Variants in ERBB4 observed in about 807,000 individuals in gnomAD.
ERBB4 encodes receptor tyrosine-protein kinase erbB-4.
In ERBB4, 42 loss-of-function variants were observed where a neutral mutation model predicts 158.0. The observed-to-expected ratio is 0.27, with a 90% confidence interval of 0.21 to 0.34. The LOEUF is 0.34. ERBB4 is among the 10% of genes least tolerant of loss of function. The pLI is 1.00. For missense variants in ERBB4, 1,333 were observed against 1,624.1 expected (o/e 0.82, Z 3.08); for synonymous variants, 583 against 558.7 (o/e 1.04, Z -0.61).
At chr2:211,435,165 A>G (rs1377873264) in intron 20 of ERBB4, among the ~76,000 whole-genome samples, 1 of 152,192 alleles carries the variant, frequency 6.6e-6, no homozygotes, top group African/African-American at 2.4e-5. Context: ...AGTCCGTGGA[A>G]GTTTCAAGAT....
chr2:212,141,728 ATATC>A (rs1330464477), intron 1 of ERBB4, among the ~76,000 whole-genome samples: 2 of 152,074 alleles, frequency 1.3e-5, no homozygotes, highest in African/African-American at 4.8e-5. Context: ...TTTCTTCAGA[ATATC>A]TATCAGCTCC....
At chr2:212,222,381 A>AAAATT (rs1334571957) in intron 1 of ERBB4, among the ~76,000 whole-genome samples, 1 of 151,606 alleles carries the variant, frequency 6.6e-6, no homozygotes, top group African/African-American at 2.4e-5. Flanking sequence ...TTTAGTAAAT[A>AAAATT]AAATTAATTC....
intron 17 of ERBB4, among the ~76,000 whole-genome samples, chr2:211,629,709 A>G (rs902493736): frequency 7.2e-5 from 11 of 152,120 alleles, no homozygotes; most frequent in African/African-American, 2.4e-4. Context: ...ATATAGACCA[A>G]TGGAACAGAA....
intron 1 of ERBB4, among the ~76,000 whole-genome samples, chr2:212,399,903 C>T (rs556096004): frequency 1.3e-5 from 2 of 151,528 alleles, no homozygotes; most frequent in African/African-American, 4.8e-5. Flanking sequence ...AACAAACAAA[C>T]AAAAAACGAG....
At chr2:211,583,411 A>G (rs538859989) in intron 19 of ERBB4, among the ~76,000 whole-genome samples, 12 of 152,102 alleles carry the variant, frequency 7.9e-5, no homozygotes, top group Non-Finnish European at 1.6e-4. Context: ...TCAAAATACT[A>G]GAGCCAAACA....
At position 212,338,009 on chromosome 2, in the gene ERBB4, T is replaced by C. The variant is rs986897933; in HGVS notation, c.82+200440A>G. ...GCCATTAGTAACTGTGCCAGGATAATTGACATCAGCTGAAACTGTCCAGGG... is the reference window on the plus strand; with the variant it reads ...GCCATTAGTAACTGTGCCAGGATAACTGACATCAGCTGAAACTGTCCAGGG... On this transcript the variant is annotated intron_variant, in intron 1 of 27. Transcript: ENST00000342788. Among the ~76,000 whole-genome samples the C allele has an allele frequency of 1.3e-4, 20 of 152,112 alleles. No individual in the cohort carries two copies. In the East Asian group the frequency reaches 3.3e-3, roughly 25 times the overall value.
intron 3 of ERBB4, among the ~76,000 whole-genome samples, chr2:211,802,748 C>T (rs549021676): frequency 5.3e-4 from 80 of 152,324 alleles, no homozygotes; most frequent in African/African-American, 1.8e-3. Context: ...TATTTCCCCG[C>T]TTCAAAGCCT....
chr2:212,338,533 T>C (rs922961133), intron 1 of ERBB4, among the ~76,000 whole-genome samples: 1 of 152,170 alleles, frequency 6.6e-6, no homozygotes, highest in Non-Finnish European at 1.5e-5. Context: ...TTACCTATTT[T>C]GTCATCTTTC....
chr2:212,011,921 T>G (rs576487325), intron 2 of ERBB4, among the ~76,000 whole-genome samples: 2 of 152,274 alleles, frequency 1.3e-5, no homozygotes, highest in South Asian at 4.1e-4. Context: ...TTCTATCATC[T>G]CCAATCTATT....
At chr2:212,044,955 T>G (rs2077224916) in intron 2 of ERBB4, among the ~76,000 whole-genome samples, 1 of 151,930 alleles carries the variant, frequency 6.6e-6, no homozygotes, top group Non-Finnish European at 1.5e-5. Context: ...CTCAAAGATC[T>G]AATGAGCCTC....
chr2:212,137,196 T>C (rs182793370), intron 1 of ERBB4, among the ~76,000 whole-genome samples: 50 of 152,264 alleles, frequency 3.3e-4, no homozygotes, highest in African/African-American at 8.2e-4. Flanking sequence ...TTATTTTAAG[T>C]TCCAGGGCAC....
chr2:212,025,853 T>A (rs187811225), intron 2 of ERBB4, among the ~76,000 whole-genome samples: 3 of 151,782 alleles, frequency 2.0e-5, no homozygotes, highest in East Asian at 3.9e-4. Flanking sequence ...ACACCGATAA[T>A]CTACTGAAAA....
intron 3 of ERBB4, among the ~76,000 whole-genome samples, chr2:211,808,782 T>C (rs1331630077): frequency 6.6e-6 from 1 of 152,228 alleles, no homozygotes; most frequent in African/African-American, 2.4e-5. Context: ...CTTCCATTTG[T>C]TTGTATCCTC....
At chr2:211,769,433 C>T (rs1367461830) in intron 4 of ERBB4, among the ~76,000 whole-genome samples, 1 of 152,124 alleles carries the variant, frequency 6.6e-6, no homozygotes, top group Non-Finnish European at 1.5e-5. Flanking sequence ...TTAGCAACAC[C>T]TCACTCCTGC....
chr2:212,218,045 G>A (rs1369217853), intron 1 of ERBB4, among the ~76,000 whole-genome samples: 2 of 151,210 alleles, frequency 1.3e-5, no homozygotes, highest in African/African-American at 4.8e-5. Flanking sequence ...GCTTGCTTCT[G>A]TGACATCATG....
intron 2 of ERBB4, among the ~76,000 whole-genome samples, chr2:212,017,424 G>A (rs1034814929): frequency 2.0e-5 from 3 of 152,086 alleles, no homozygotes; most frequent in African/African-American, 4.8e-5. Context: ...AGAATCTCAA[G>A]TATGAAAAGA....
chr2:211,809,130 G>C (rs2076689337), intron 3 of ERBB4, among the ~76,000 whole-genome samples: 2 of 152,112 alleles, frequency 1.3e-5, no homozygotes, highest in African/African-American at 4.8e-5. Context: ...TCTTTCTCTT[G>C]CCTGATTGCC....
At chr2:212,023,509 A>G (rs1191744465) in intron 2 of ERBB4, among the ~76,000 whole-genome samples, 2 of 35,128 alleles carry the variant, frequency 5.7e-5, no homozygotes, top group African/African-American at 8.1e-5. Flanking sequence ...CGTTTATACA[A>G]GTTAATTTTT....
At chr2:211,426,410 C>G (rs2063628000) in intron 22 of ERBB4, among the ~76,000 whole-genome samples, 1 of 152,150 alleles carries the variant, frequency 6.6e-6, no homozygotes, top group South Asian at 2.1e-4. Flanking sequence ...CTTTATCTGC[C>G]TTTAACGCCT....
Sources: gnomAD v4.1 joint callset for allele counts (sites outside exome capture counted in the v4.1 genomes callset) on GRCh38, gnomAD v4.1.1 for gene constraint, MANE v1.5 for transcripts, NCBI Gene and HGNC (gene_info 2026-07-23, HGNC 2026-07-21) for gene names.